The following RAPGEF5 variants were observed in gnomAD, a reference collection of about 807,000 sequenced individuals.
The protein encoded by RAPGEF5 is M-Ras-regulated GEF.
RAPGEF5 carries 65 observed loss-of-function variants against 125.2 expected under a neutral mutation model. The observed-to-expected ratio is 0.52, with a 90% CI of 0.43 to 0.64. RAPGEF5 has a LOEUF of 0.64. Ranked by LOEUF, RAPGEF5 falls within the 30% of genes least tolerant of loss-of-function variation. The pLI is 0.00. For synonymous variants in RAPGEF5, 391 were observed against 385.9 expected (o/e 1.01, Z -0.16); for missense variants, 958 against 1,048.1 (o/e 0.91, Z 1.19).
chr7:22,129,013 C>A (rs563793904), intron 24 of RAPGEF5, among the ~76,000 whole-genome samples: 1 of 152,214 alleles, frequency 6.6e-6, no homozygotes, highest in African/African-American at 2.4e-5. Context: ...AGTTGGCAGT[C>A]TTGGCATATT....
chr7:22,327,124 G>C (rs1221475325), intron 1 of RAPGEF5, among the ~76,000 whole-genome samples: 1 of 152,174 alleles, frequency 6.6e-6, no homozygotes, highest in Admixed American at 6.5e-5. Flanking sequence ...CCAGAAAACT[G>C]ATGCTAAAGG....
chr7:22,314,388 C>T (rs1279651690), intron 3 of RAPGEF5, among the ~76,000 whole-genome samples: 2 of 151,874 alleles, frequency 1.3e-5, no homozygotes, highest in East Asian at 3.9e-4. Flanking sequence ...AAAATTATGC[C>T]TCAGTACAAA....
At chr7:22,249,244 T>C (rs938555434) in intron 7 of RAPGEF5, among the ~76,000 whole-genome samples, 1 of 152,212 alleles carries the variant, frequency 6.6e-6, no homozygotes, top group African/African-American at 2.4e-5. Flanking sequence ...CAGGCTGAAG[T>C]GCAGTGGTGC....
At position 22,142,548 on chromosome 7, in the gene RAPGEF5, C is replaced by T. The variant is rs1280771535; in HGVS notation, c.2187-2433G>A. 2.6e-5 allele frequency among the ~76,000 whole-genome samples: 4 copies of T among 152,108 alleles called. No homozygotes were observed. In the East Asian group the frequency reaches 7.7e-4, roughly 29 times the overall value. ...CCCATAAAAACACACATATAACTAACATCTAAATCTGTTAAGAAAAAAAAG... is the reference window on the plus strand; with the variant it reads ...CCCATAAAAACACACATATAACTAATATCTAAATCTGTTAAGAAAAAAAAG... On this transcript the variant is annotated intron_variant, in intron 20 of 25. Coordinates refer to ENST00000665637, the MANE Select transcript of RAPGEF5 (RefSeq NM_012294.5).
intron 1 of RAPGEF5, among the ~76,000 whole-genome samples, chr7:22,349,482 T>C (rs1453761696): frequency 1.3e-5 from 2 of 151,424 alleles, no homozygotes; most frequent in African/African-American, 4.9e-5. Flanking sequence ...GTGCATTTCA[T>C]TTCAAAGTAG....
At chr7:22,128,957 T>C (rs1374920149) in intron 24 of RAPGEF5, among the ~76,000 whole-genome samples, 2 of 152,332 alleles carry the variant, frequency 1.3e-5, no homozygotes, top group East Asian at 1.9e-4. Flanking sequence ...TTGACCCTAA[T>C]AGAAGTCATA....
chr7:22,217,138 C>T (rs762616101), intron 9 of RAPGEF5, among the ~76,000 whole-genome samples: 3 of 152,168 alleles, frequency 2.0e-5, no homozygotes. Context: ...TTATCACTGT[C>T]GACTTAACTA....
chr7:22,220,108 G>A (rs985579736), intron 8 of RAPGEF5, 117 bp from the exon 9 acceptor site: 2 of 1,301,000 alleles, frequency 1.5e-6, no homozygotes, highest in African/African-American at 1.5e-5. Context: ...ATTAAATCAT[G>A]GTCTTGGTAA....
At chr7:22,178,589 A>T (rs1005756612) in intron 11 of RAPGEF5, among the ~76,000 whole-genome samples, 1 of 152,212 alleles carries the variant, frequency 6.6e-6, no homozygotes, top group African/African-American at 2.4e-5. Flanking sequence ...TATAAAGGAG[A>T]TGAAGATGAA....
chr7:22,197,584 T>C (rs896144472), intron 9 of RAPGEF5, among the ~76,000 whole-genome samples: 2 of 152,206 alleles, frequency 1.3e-5, no homozygotes, highest in Non-Finnish European at 2.9e-5. Context: ...GGAAGCCCCC[T>C]GGTCTTCAGT....
chr7:22,232,355 G>A (rs1392090422), intron 7 of RAPGEF5, among the ~76,000 whole-genome samples: 1 of 131,028 alleles, frequency 7.6e-6, no homozygotes, highest in Admixed American at 8.2e-5. Context: ...CACTCTTTTT[G>A]CCCAGGCTGG....
intron 8 of RAPGEF5, 165 bp from the exon 9 acceptor site, chr7:22,220,156 T>C (rs1476481230): frequency 1.1e-5 from 9 of 847,752 alleles, no homozygotes; most frequent in Non-Finnish European, 1.6e-5. Context: ...TACATTATTA[T>C]AACCTAAGAG....
intron 16 of RAPGEF5, among the ~76,000 whole-genome samples, chr7:22,155,910 C>T (rs751389718): frequency 2.6e-5 from 4 of 152,164 alleles, no homozygotes; most frequent in African/African-American, 4.8e-5. Context: ...GAAAACTACA[C>T]GATGAAACTT....
intron 18 of RAPGEF5, among the ~76,000 whole-genome samples, chr7:22,150,074 C>CT (rs71550462): frequency 1.2e-3 from 93 of 76,116 alleles, no homozygotes; most frequent in Non-Finnish European, 1.7e-3. Context: ...ACGTGTGTTC[C>CT]TTTTTTTTTT....
In RAPGEF5 at chr7:22,181,561, C is replaced by T. The variant is rs527644062; in HGVS notation, c.1204+11806G>A. ...AAGTCCAAGTCTGAAGCAGAAAAGG[C>T]TACAGAATTGTTCTGAAAATTATTT... On this transcript the variant is annotated intron_variant, in intron 11 of 25. Transcript: ENST00000665637. Among the ~76,000 whole-genome samples the T allele has an allele frequency of 7.9e-5, 12 of 152,274 alleles. No individual in the cohort carries two copies. The East Asian group carries it at 1.7e-3, about 22-fold the overall frequency.
intron 7 of RAPGEF5, among the ~76,000 whole-genome samples, chr7:22,242,947 CAAAAAAAAAAA>C (rs537954162): frequency 1.5e-5 from 1 of 65,746 alleles, no homozygotes; most frequent in South Asian, 5.8e-4. Context: ...AACTCCGTCT[CAAAAAAAAAAA>C]AAAAAAAGAA....
At chr7:22,257,277 T>A (rs903494800) in intron 7 of RAPGEF5, among the ~76,000 whole-genome samples, 2 of 152,214 alleles carry the variant, frequency 1.3e-5, no homozygotes, top group South Asian at 2.1e-4. Flanking sequence ...TAAAAAGTAT[T>A]CAATAGTTTT....
chr7:22,218,884 C>T (rs1240780539), intron 9 of RAPGEF5, among the ~76,000 whole-genome samples: 1 of 152,146 alleles, frequency 6.6e-6, no homozygotes, highest in African/African-American at 2.4e-5. Flanking sequence ...TGTTACAATT[C>T]GATGTCTCAC....
At chr7:22,330,580 T>C (rs1183766497) in intron 1 of RAPGEF5, among the ~76,000 whole-genome samples, 1 of 152,224 alleles carries the variant, frequency 6.6e-6, no homozygotes, top group African/African-American at 2.4e-5. Flanking sequence ...TTGTGGCCCA[T>C]TTGCTAAAGT....
Sources: allele counts gnomAD v4.1 joint callset (sites outside exome capture counted in the v4.1 genomes callset), GRCh38; gene constraint gnomAD v4.1.1; transcripts MANE v1.5; gene names NCBI Gene and HGNC (gene_info 2026-07-23, HGNC 2026-07-21).